RYR3: variants seen among roughly 807,000 people sequenced by gnomAD.
The protein encoded by RYR3 is brain ryanodine receptor-calcium release channel.
Under a neutral mutation model 584.3 loss-of-function variants are expected in RYR3, and 207 were observed. That is an observed-to-expected ratio of 0.35 (90% CI 0.32 to 0.40). The LOEUF (loss-of-function observed/expected upper bound fraction) is 0.40. Ranked by LOEUF, RYR3 falls within the 10% of genes least tolerant of loss-of-function variation. The pLI, the probability that RYR3 is intolerant of heterozygous loss-of-function variation, is 1.00. For missense variants in RYR3, 5,616 were observed against 6,089.2 expected (o/e 0.92, Z 2.59); for synonymous variants, 2,416 against 2,248.5 (o/e 1.07, Z -2.11).
At chr15:33,716,011 C>T (rs533875311) in intron 43 of RYR3, among the ~76,000 whole-genome samples, 1 of 152,138 alleles carries the variant, frequency 6.6e-6, no homozygotes. Context: ...TGCCTCTTGG[C>T]TTGGTGCTGT....
At chr15:33,861,681 C>T (rs1331275686) in intron 102 of RYR3, among the ~76,000 whole-genome samples, 3 of 152,156 alleles carry the variant, frequency 2.0e-5, no homozygotes, top group African/African-American at 7.2e-5. Context: ...TGGGTCTTGT[C>T]AAAGGGGCCT....
At chr15:33,579,910 A>G in intron 12 of RYR3, 66 bp from the exon 13 acceptor site, 1 of 1,331,336 alleles carries the variant, frequency 7.5e-7, no homozygotes, top group Non-Finnish European at 1.0e-6. Context: ...AGTGGGACCC[A>G]GTGGGTGTTC....
chr15:33,597,483 C>T (rs965518364), intron 16 of RYR3, among the ~76,000 whole-genome samples: 23 of 151,920 alleles, frequency 1.5e-4, no homozygotes, highest in Admixed American at 1.3e-3. Flanking sequence ...GGGTTGTGGG[C>T]GCCTGTATTC....
chr15:33,512,069 C>T (rs1300631143), intron 3 of RYR3, among the ~76,000 whole-genome samples: 1 of 152,190 alleles, frequency 6.6e-6, no homozygotes, highest in Non-Finnish European at 1.5e-5. Context: ...TGAGCCACCG[C>T]GCCCGGCTGC....
At chr15:33,687,076 G>T (rs1201738774) in intron 38 of RYR3, among the ~76,000 whole-genome samples, 1 of 152,162 alleles carries the variant, frequency 6.6e-6, no homozygotes, top group African/African-American at 2.4e-5. Context: ...GGCCAATCAG[G>T]CAAGAGAAAG....
chr15:33,746,391 G>T (rs1243411176), intron 53 of RYR3, among the ~76,000 whole-genome samples: 1 of 152,208 alleles, frequency 6.6e-6, no homozygotes, highest in African/African-American at 2.4e-5. Context: ...AAGAAGCATT[G>T]TTCAGCACTT....
chr15:33,549,115 G>A (rs543503167), intron 9 of RYR3, among the ~76,000 whole-genome samples: 11 of 152,034 alleles, frequency 7.2e-5, no homozygotes, highest in South Asian at 6.2e-4. Flanking sequence ...AAGGAACACC[G>A]GTTTTAAGGA....
chr15:33,590,046 T>G (rs1257079163), intron 16 of RYR3, among the ~76,000 whole-genome samples: 2 of 151,798 alleles, frequency 1.3e-5, no homozygotes, highest in East Asian at 3.9e-4. Context: ...TTTGGGTGGG[T>G]AGTGGAAAAT....
At chr15:33,855,421 C>G (rs2079550367) in intron 98 of RYR3, among the ~76,000 whole-genome samples, 1 of 152,202 alleles carries the variant, frequency 6.6e-6, no homozygotes, top group African/African-American at 2.4e-5. Context: ...CCAGGCTGGT[C>G]TCAAACGCCT....
At chr15:33,798,332 C>T (rs1016628555) in intron 67 of RYR3, among the ~76,000 whole-genome samples, 6 of 152,158 alleles carry the variant, frequency 3.9e-5, no homozygotes, top group African/African-American at 1.4e-4. Context: ...CTCAAGTGAT[C>T]CACCTGTCTC....
At chr15:33,617,683 T>C (rs1316506917) in intron 19 of RYR3, among the ~76,000 whole-genome samples, 1 of 152,218 alleles carries the variant, frequency 6.6e-6, no homozygotes, top group African/African-American at 2.4e-5. Context: ...GATCCTTGTC[T>C]TGAATTTTTA....
chr15:33,642,730 T>C (rs1218780592), intron 27 of RYR3, among the ~76,000 whole-genome samples: 2 of 152,196 alleles, frequency 1.3e-5, no homozygotes, highest in African/African-American at 4.8e-5. Context: ...ATCACAAAAA[T>C]ACAGAAGCAT....
At chr15:33,805,541 G>T (rs142084017) in intron 69 of RYR3, among the ~76,000 whole-genome samples, 1 of 149,254 alleles carries the variant, frequency 6.7e-6, no homozygotes, top group Non-Finnish European at 1.5e-5. Context: ...ACAGTGGTGC[G>T]ATCTCGGCTC....
intron 3 of RYR3, among the ~76,000 whole-genome samples, chr15:33,508,008 CACA>C (rs1466007718): frequency 6.6e-6 from 1 of 152,142 alleles, no homozygotes; most frequent in Non-Finnish European, 1.5e-5. Flanking sequence ...TCCTGTGCTA[CACA>C]ACTAGGTGCA....
chr15:33,751,453 T>C (rs2071295173), intron 57 of RYR3, among the ~76,000 whole-genome samples: 1 of 152,242 alleles, frequency 6.6e-6, no homozygotes, highest in South Asian at 2.1e-4. Context: ...GGTATCTCAT[T>C]GTGGTTTCGA....
At position 33,639,612 on chromosome 15, in the gene RYR3, G is replaced by A. The variant is rs191873959; in HGVS notation, c.3556+3062G>A. The stretch of plus-strand genomic sequence containing the variant: ...CGTGCTTGTGTTCTTCTGGTCACCA[G>A]CATGTCAGCTTTGATTTCAGTCATT... On this transcript the variant is annotated intron_variant, in intron 27 of 103. Coordinates refer to ENST00000634891, the MANE Select transcript of RYR3 (RefSeq NM_001036.6). Among the ~76,000 whole-genome samples the A allele has an allele frequency of 1.6e-3, 248 of 152,292 alleles. 2 individuals are homozygous for A. The highest frequency in any genetic ancestry group is 3.5e-3 in the Admixed American group (53 of 15,298).
At chr15:33,577,311 A>G (rs2058349797) in intron 12 of RYR3, among the ~76,000 whole-genome samples, 1 of 152,158 alleles carries the variant, frequency 6.6e-6, no homozygotes, top group Non-Finnish European at 1.5e-5. Context: ...TATAACCAAG[A>G]CAATCCTGAG....
Position 33,390,663 on chromosome 15 carries a change from C to T in RYR3, c.51+79567C>T, listed in dbSNP as rs539538863. ...GGGAACTTGGTACTTGTCCCATTCT[C>T]TAAGAAATCAGAGTGGTTCACTCTG... On this transcript the variant is annotated intron_variant, in intron 1 of 103. Coordinates refer to ENST00000634891, the MANE Select transcript of RYR3 (RefSeq NM_001036.6). The surrounding 1 kb of genome is among the most constrained non-coding windows in gnomAD (Gnocchi z 4.2). Among the ~76,000 whole-genome samples the T allele has an allele frequency of 2.6e-5, 4 of 152,246 alleles. No individual in the cohort carries two copies. Among genetic ancestry groups the T allele is most frequent in the African/African-American group, 9.6e-5 (4 of 41,550 alleles).
intron 80 of RYR3, among the ~76,000 whole-genome samples, chr15:33,821,836 A>G (rs1294345761): frequency 6.6e-6 from 1 of 152,232 alleles, no homozygotes; most frequent in African/African-American, 2.4e-5. Context: ...AAAGATAAAA[A>G]CATTTAGTTT....
Sources: allele counts gnomAD v4.1 joint callset (sites outside exome capture counted in the v4.1 genomes callset), GRCh38; gene constraint gnomAD v4.1.1; non-coding constraint Gnocchi (gnomAD v3.1); transcripts MANE v1.5; gene names NCBI Gene and HGNC (gene_info 2026-07-23, HGNC 2026-07-21).